The following RRP1B variants were observed in gnomAD, a reference collection of about 807,000 sequenced individuals.
RRP1B encodes ribosomal RNA processing protein 1 homolog B.
A neutral mutation model predicts 80.2 loss-of-function variants in RRP1B; 56 were observed. The ratio of observed to expected loss-of-function variants is 0.70; its 90% CI spans 0.56 to 0.87. RRP1B has a LOEUF of 0.87. RRP1B is among the 40% of genes least tolerant of loss of function. RRP1B has a pLI of 0.00. For synonymous variants in RRP1B, 351 were observed against 357.6 expected (o/e 0.98, Z 0.21); for missense variants, 807 against 939.8 (o/e 0.86, Z 1.85).
Position 43,672,338 on chromosome 21 carries a change from G to A in RRP1B, c.244G>A (p.Val82Ile). 1 of 1,614,116 alleles carries A rather than the reference G, an allele frequency of 6.2e-7. No individual in the cohort carries two copies. Among genetic ancestry groups the A allele is most frequent in the Non-Finnish European group, 8.5e-7 (1 of 1,179,998 alleles). ...EELANTIAQL[V>I]HAVNNSAAQH... ...GCTCGCCAACACCATTGCACAGCTAGTCCATGCTGTTAACAACTCAGCGGC... is the reference window on the plus strand; with the variant it reads ...GCTCGCCAACACCATTGCACAGCTAATCCATGCTGTTAACAACTCAGCGGC... Residue 82 changes from valine to isoleucine, a missense_variant, in exon 3 of 16, where the codon GTC becomes ATC. Val to Ile is a conservative substitution (Grantham distance 29). Coordinates refer to ENST00000340648, the MANE Select transcript of RRP1B (RefSeq NM_015056.3).
In RRP1B at chr21:43,676,797, G is replaced by T. The variant is rs1568957405; in HGVS notation, c.679G>T (p.Val227Leu). 6.2e-7 allele frequency: 1 copy of T among 1,614,240 alleles called. No homozygotes were observed. The highest frequency in any genetic ancestry group is 2.2e-5 in the East Asian group (1 of 44,890). Residue 227 changes from valine (V) to leucine (L), a missense_variant, in exon 8 of 16, where the codon GTG becomes TTG. Physicochemically the swap from Val to Leu is conservative, Grantham distance 32 (BLOSUM62 1). Transcript: ENST00000340648. ...FEAIVDQSPF[V>L]PEETMEEQKT... The stretch of plus-strand genomic sequence containing the variant: ...AGCTATCGTAGATCAGTCTCCTTTT[G>T]TGCCTGAAGAGACGATGGAGGAACA...
At chr21:43,673,634 CAAAAAAAAA>C in intron 3 of RRP1B, among the ~76,000 whole-genome samples, 2 of 66,118 alleles carry the variant, frequency 3.0e-5, no homozygotes, top group South Asian at 1.2e-3. Context: ...ACCCCGTCTC[CAAAAAAAAA>C]AAAAAAAAAA....
intron 10 of RRP1B, 146 bp from the exon 11 acceptor site, chr21:43,685,624 T>C (rs2083059887): frequency 3.5e-6 from 2 of 568,198 alleles, no homozygotes; most frequent in African/African-American, 2.0e-5. Flanking sequence ...TAGCCTCCCC[T>C]CCTGGAGGAG....
chr21:43,663,512 C>G (rs187309241), intron 1 of RRP1B, among the ~76,000 whole-genome samples: 1 of 152,248 alleles, frequency 6.6e-6, no homozygotes, highest in Non-Finnish European at 1.5e-5. Context: ...GCCTAGGCCT[C>G]TCAAAGTGCT....
Position 43,693,168 on chromosome 21 carries a change from G to T in RRP1B, c.2084-22G>T, listed in dbSNP as rs749177104. On this transcript the variant is annotated intron_variant, in intron 15 of 15. Transcript: ENST00000340648. The surrounding 1 kb of genome is among the most constrained non-coding windows in gnomAD (Gnocchi z 4.1). ...AGCTGTCGGACCCACTTAATATGGGGCCTTGCTCTCATTTGGGACAGAATT... is the reference window on the plus strand; with the variant it reads ...AGCTGTCGGACCCACTTAATATGGGTCCTTGCTCTCATTTGGGACAGAATT... 12 of 1,613,254 alleles carry T rather than the reference G, an allele frequency of 7.4e-6. No individual in the cohort carries two copies. In the South Asian group the frequency reaches 1.2e-4, roughly 16 times the overall value.
chr21:43,681,302 A>AGATAGAAT (rs944329347), intron 8 of RRP1B, among the ~76,000 whole-genome samples: 2 of 143,764 alleles, frequency 1.4e-5, no homozygotes, highest in African/African-American at 5.5e-5. Context: ...ATAGATAGAT[A>AGATAGAAT]GAATCAAGAA....
At chr21:43,666,034 C>T (rs2082976972) in intron 1 of RRP1B, among the ~76,000 whole-genome samples, 1 of 152,174 alleles carries the variant, frequency 6.6e-6, no homozygotes, top group Non-Finnish European at 1.5e-5. Flanking sequence ...TGGGCAGCTA[C>T]ATTGGGATTT....
At chr21:43,672,281 T>C (rs753144120) in intron 2 of RRP1B, 27 bp from the exon 3 acceptor site, 1 of 1,612,166 alleles carries the variant, frequency 6.2e-7, no homozygotes, top group Admixed American at 1.7e-5. Flanking sequence ...ATAACCCCCA[T>C]GTTTCTCCCC....
In RRP1B at chr21:43,694,939, A is replaced by G. The variant is rs1325178227; in HGVS notation, c.*1556A>G. ...TCAAGAGCAGTTGACTCACTGATGA[A>G]GGCCCTGGTGAGGAGAAAGCACTCT... On this transcript the variant is annotated 3_prime_UTR_variant, in exon 16 of 16. Transcript: ENST00000340648. 1.3e-5 allele frequency: 2 copies of G among 152,226 alleles called. No individual in the cohort carries two copies. Among genetic ancestry groups the G allele is most frequent in the African/African-American group, 2.4e-5 (1 of 41,456 alleles). 9.4% of individuals were successfully genotyped at this position (152,226 alleles called of 1,614,324 possible).
chr21:43,681,805 G>A (rs1019711702), intron 8 of RRP1B, among the ~76,000 whole-genome samples: 1 of 151,264 alleles, frequency 6.6e-6, no homozygotes, highest in Non-Finnish European at 1.5e-5. Flanking sequence ...TTTAAAATTA[G>A]CCAAGCGTGA....
chr21:43,680,260 T>G (rs2083038151), intron 8 of RRP1B, among the ~76,000 whole-genome samples: 1 of 152,216 alleles, frequency 6.6e-6, no homozygotes, highest in South Asian at 2.1e-4. Flanking sequence ...TTTTATTTAT[T>G]TATTTAGAGA....
In RRP1B at chr21:43,671,276, G is replaced by A. The variant is rs188035242; in HGVS notation, c.214-1032G>A. Reference sequence around the variant, plus strand: ...GCTGTAGGGAGGACTTTCCCATGGCGTGCAGTGAGCATCCCCAGCATCTCA... The same window carrying A: ...GCTGTAGGGAGGACTTTCCCATGGCATGCAGTGAGCATCCCCAGCATCTCA... On this transcript the variant is annotated intron_variant, in intron 2 of 15. Transcript: ENST00000340648. Among the ~76,000 whole-genome samples, 153 of 152,148 alleles carry A rather than the reference G, an allele frequency of 1.0e-3. 1 individual carries two copies. Among genetic ancestry groups the A allele is most frequent in the Non-Finnish European group, 1.5e-3 (102 of 68,018 alleles).
At position 43,675,749 on chromosome 21, in the gene RRP1B, G is replaced by C. The variant is rs534183013; in HGVS notation, c.550-523G>C. 9.9e-5 allele frequency among the ~76,000 whole-genome samples: 15 copies of C among 152,268 alleles called. No individual in the cohort carries two copies. In the East Asian group the frequency reaches 2.9e-3, roughly 29 times the overall value. On this transcript the variant is annotated intron_variant, in intron 6 of 15. Transcript: ENST00000340648. ...GTATGTCCTGTATCAGGTTTGTCCA[G>C]CCCGCAGCCTGAGAGCTGCATGGGG...
chr21:43,693,379 T>C lies in RRP1B; in HGVS notation c.2273T>C (p.Phe758Ser). 6.4e-7 allele frequency: 1 copy of C among 1,569,682 alleles called. No individual in the cohort carries two copies. Among genetic ancestry groups the C allele is most frequent in the Non-Finnish European group, 8.6e-7 (1 of 1,158,996 alleles). The change falls in exon 16 of 16, where the codon TTC becomes TCC. Residue 758 changes from phenylalanine (F) to serine (S), a missense_variant. Phe to Ser is a radical substitution (Grantham distance 155). Transcript: ENST00000340648. The surrounding 1 kb of genome is among the most constrained non-coding windows in gnomAD (Gnocchi z 4.1). ...AGAAGGCCCAGGGCTATGGATTTCT[T>C]CTGAGGAGCAGCAGAGTCCCTTGTA... ...PRRRPRAMDF[F>S]
chr21:43,686,795 G>A lies in RRP1B; in HGVS notation c.1010-9G>A, dbSNP rs1181553676. The A allele has an allele frequency of 3.1e-6, 5 of 1,613,792 alleles. No individual in the cohort carries two copies. The highest frequency in any genetic ancestry group is 4.2e-6 in the Non-Finnish European group (5 of 1,179,872). ...GGGGAAGCTAACAGTGTGTCACTCT[G>A]GCATCTAGGAAGCAGTATATCTCAA... is the stretch of plus-strand genomic sequence containing the variant. On this transcript the variant is annotated splice_polypyrimidine_tract_variant and intron_variant, in intron 11 of 15. Coordinates refer to ENST00000340648, the MANE Select transcript of RRP1B (RefSeq NM_015056.3).
chr21:43,682,515 G>A (rs1455402478), intron 8 of RRP1B, among the ~76,000 whole-genome samples: 1 of 152,190 alleles, frequency 6.6e-6, no homozygotes, highest in Non-Finnish European at 1.5e-5. Flanking sequence ...AAGCATGCTC[G>A]TGAAAAGTGA....
chr21:43,685,488 G>T (rs1302174609), intron 10 of RRP1B, among the ~76,000 whole-genome samples: 7 of 152,262 alleles, frequency 4.6e-5, no homozygotes, highest in African/African-American at 1.7e-4. Context: ...GTTTGATTTG[G>T]GTGTGCCAAG....
rs2083081302 is a variant in RRP1B, at chr21:43,690,286, A to C, written c.1867-2A>C. 6.2e-7 allele frequency: 1 copy of C among 1,614,004 alleles called. No individual in the cohort carries two copies. ...TCCGCTTCTCACCCCTCGCTCACGT[A>C]GGGAAGCAGTGGGACTTGCAGTTCC... On this transcript the variant is annotated splice_acceptor_variant, in intron 13 of 15. Transcript: ENST00000340648. LOFTEE classifies it high-confidence loss of function.
At chr21:43,683,892 T>C (rs2083052686) in intron 9 of RRP1B, among the ~76,000 whole-genome samples, 4 of 144,352 alleles carry the variant, frequency 2.8e-5, no homozygotes, top group Admixed American at 2.1e-4. Context: ...GGCAGGAAAA[T>C]CATTTGAACC....
Sources: allele counts gnomAD v4.1 joint callset (sites outside exome capture counted in the v4.1 genomes callset), GRCh38; gene constraint gnomAD v4.1.1; non-coding constraint Gnocchi (gnomAD v3.1); transcripts MANE v1.5; gene names NCBI Gene and HGNC (gene_info 2026-07-23, HGNC 2026-07-21).